The following FSIP2 variants were observed in gnomAD, a reference collection of about 807,000 sequenced individuals.
FSIP2 encodes the protein fibrous sheath-interacting protein 2.
A neutral mutation model predicts 510.5 loss-of-function variants in FSIP2; 367 were observed. The ratio of observed to expected loss-of-function variants is 0.72; its 90% CI spans 0.66 to 0.78. The LOEUF is 0.78. Among genes scored for constraint, FSIP2 ranks in the 30% least tolerant of loss-of-function variants. FSIP2 has a pLI of 0.00. For missense variants in FSIP2, 7,594 were observed against 7,901.7 expected (o/e 0.96, Z 1.48); for synonymous variants, 2,601 against 2,732.2 (o/e 0.95, Z 1.50).
rs536390412 is a variant in FSIP2 at position 185,763,974 on chromosome 2, T to C, written c.1348-528T>C. 5.9e-5 allele frequency among the ~76,000 whole-genome samples: 9 copies of C among 151,772 alleles called. No homozygotes were observed. The East Asian group carries it at 1.2e-3, about 20-fold the overall frequency. On this transcript the variant is annotated intron_variant, in intron 12 of 22. Coordinates refer to ENST00000424728, the MANE Select transcript of FSIP2 (RefSeq NM_173651.4). ...CAAATGTACATCAGGTTTAGTTCAC[T>C]GTTCTACCATATCAATAGCCACATT...
chr2:185,829,945 G>A (rs1694077972), intron 21 of FSIP2, among the ~76,000 whole-genome samples: 1 of 151,800 alleles, frequency 6.6e-6, no homozygotes, highest in Non-Finnish European at 1.5e-5. Context: ...TACATATTTG[G>A]AACTGACCTG....
rs13003744 is a variant in FSIP2 at position 185,804,208 on chromosome 2, A to G, written c.14902A>G (p.Met4968Val). Residue 4968 changes from methionine to valine, a missense_variant, in exon 17 of 23, where the codon ATG (methionine) becomes GTG (valine). By Grantham distance (21) the Met-to-Val change is conservative. Transcript: ENST00000424728. ...CKILYAFSHNMLVTENPDRVK... is the reference protein window; with the variant it reads ...CKILYAFSHNVLVTENPDRVK... ...AATTCTTTATGCATTTTCACATAAC[A>G]TGTTGGTTACTGAAAATCCAGATAG... 0.33 allele frequency: 505,784 copies of G among 1,517,904 alleles called. 85,737 individuals are homozygous for G. The highest frequency in any genetic ancestry group is 0.37 in the Admixed American group (17,851 of 47,706). The allele number at this position is 1,517,904 out of a possible 1,614,324, so 94.0% of individuals were successfully genotyped here. A position where few individuals can be genotyped will look rare whatever the true frequency, so the allele number is the denominator to read the frequency against.
In FSIP2 at chr2:185,808,965, A is replaced by G. The variant is rs757605874; in HGVS notation, c.19659A>G (p.Lys6553=). The change falls in exon 17 of 23, where the codon AAA becomes AAG. Residue 6553 remains lysine, a synonymous_variant. Coordinates refer to ENST00000424728, the MANE Select transcript of FSIP2 (RefSeq NM_173651.4). ...VISIKTQPLE[K]LKQECLKRTG... is the part of the protein sequence containing the mutation. Reference sequence around the variant, plus strand: ...CTATAAAAACTCAACCTCTTGAGAAACTTAAGCAGGAGTGTTTGAAAAGAA... The same window carrying G: ...CTATAAAAACTCAACCTCTTGAGAAGCTTAAGCAGGAGTGTTTGAAAAGAA... 1.4e-5 allele frequency: 22 copies of G among 1,610,516 alleles called. No homozygotes were observed. The highest frequency in any genetic ancestry group is 1.9e-5 in the Non-Finnish European group (22 of 1,178,960).
In FSIP2 at chr2:185,833,240, G is replaced by T; in HGVS notation, c.*14G>T. 1.3e-6 allele frequency: 2 copies of T among 1,589,744 alleles called. No individual in the cohort carries two copies. The highest frequency in any genetic ancestry group is 3.6e-5 in the Admixed American group (2 of 55,212). ...GATGAACACTGAAGCTTTTGTACCT[G>T]ATATAAGTATGCTTACTTCTTTTAG... On this transcript the variant is annotated 3_prime_UTR_variant, in exon 23 of 23. Coordinates refer to ENST00000424728, the MANE Select transcript of FSIP2 (RefSeq NM_173651.4).
chr2:185,807,626 C>T lies in FSIP2; in HGVS notation c.18320C>T (p.Thr6107Ile), dbSNP rs371646011. ...CAAGAGATTATACAAAATTGTGTAA[C>T]CAGTGGATGCAAAATCCTTTCAGAA... ...GSQEIIQNCV[T>I]SGCKILSENI... Residue 6107 changes from threonine to isoleucine, a missense_variant, in exon 17 of 23, where the codon ACC (threonine) becomes ATC (isoleucine). Coordinates refer to ENST00000424728, the MANE Select transcript of FSIP2 (RefSeq NM_173651.4). 4.0e-5 allele frequency: 65 copies of T among 1,612,792 alleles called. 1 individual carries two copies. In the Middle Eastern group the frequency reaches 6.6e-4, roughly 16 times the overall value.
intron 13 of FSIP2, chr2:185,766,225 C>T (rs1692474697): frequency 6.6e-6 from 1 of 151,746 alleles, no homozygotes; most frequent in Non-Finnish European, 1.5e-5. Flanking sequence ...TAGAAGAAAA[C>T]CTAGGCATTA....
chr2:185,756,330 G>C, intron 9 of FSIP2, 52 bp downstream of exon 9: 5 of 640,784 alleles, frequency 7.8e-6, no homozygotes, highest in Non-Finnish European at 1.2e-5. Context: ...TAATTTGGGG[G>C]AAAGACAGTT....
At chr2:185,752,317 T>C (rs183242555) in intron 7 of FSIP2, among the ~76,000 whole-genome samples, 2 of 151,260 alleles carry the variant, frequency 1.3e-5, no homozygotes, top group East Asian at 3.9e-4. Flanking sequence ...TTTATTTTTC[T>C]CTATGTAACA....
chr2:185,813,369 T>C (rs553935196), intron 17 of FSIP2, among the ~76,000 whole-genome samples, 176 bp from the exon 18 acceptor site: 6 of 152,152 alleles, frequency 3.9e-5, no homozygotes, highest in Non-Finnish European at 7.4e-5. Flanking sequence ...AACAAATTTT[T>C]TTTGTTATTT....
Position 185,800,361 on chromosome 2 carries a change from T to C in FSIP2, c.11055T>C (p.Gly3685=). Residue 3685 remains glycine, a synonymous_variant, in exon 17 of 23, where the codon GGT becomes GGC. Coordinates refer to ENST00000424728, the MANE Select transcript of FSIP2 (RefSeq NM_173651.4). ...CATGTAAGTTAAACAGCCTGGTTGGTAACCTAAAAACAAGTGAATCCAAAG... is the reference window on the plus strand; with the variant it reads ...CATGTAAGTTAAACAGCCTGGTTGGCAACCTAAAAACAAGTGAATCCAAAG... ...YLACKLNSLV[G]NLKTSESKEV... 3 of 1,529,194 alleles carry C rather than the reference T, an allele frequency of 2.0e-6. No homozygotes were observed. Among genetic ancestry groups the C allele is most frequent in the Non-Finnish European group, 2.6e-6 (3 of 1,144,308 alleles). 94.7% of individuals were successfully genotyped at this position (1,529,194 alleles called of 1,614,324 possible).
rs539739705 is a variant in FSIP2 at position 185,797,267 on chromosome 2, C to T, written c.10131C>T (p.Asn3377=). ...AAGTATCTGGAGGGCAAAAGGATAA[C>T]GAAAAAAGTTTGCTTAGAATGCAGG... ...LSEVSGGQKD[N]EKSLLRMQDK... Residue 3377 remains asparagine, a synonymous_variant, in exon 16 of 23, where the codon AAC becomes AAT. Transcript: ENST00000424728. The T allele has an allele frequency of 5.2e-5, 79 of 1,532,398 alleles. No homozygotes were observed. The highest frequency in any genetic ancestry group is 6.0e-5 in the Admixed American group (3 of 50,344). The allele number at this position is 1,532,398 out of a possible 1,614,324, so 94.9% of individuals were successfully genotyped here.
chr2:185,792,640 C>A lies in FSIP2; in HGVS notation c.5504C>A (p.Ser1835Ter). The change falls in exon 16 of 23, where the codon TCG becomes TAG. Residue 1835 changes from serine to a stop codon, truncating the protein, a stop_gained. Transcript: ENST00000424728. LOFTEE classifies it high-confidence loss of function. ...FMDKMMDPLLSEADITIVTDN... is the reference protein window; with the variant it reads ...FMDKMMDPLL ...GATAAAATGATGGATCCTTTACTTT[C>A]GGAAGCAGATATAACCATAGTAACA... 3 of 1,533,982 alleles carry A rather than the reference C, an allele frequency of 2.0e-6. No homozygotes were observed. Among genetic ancestry groups the A allele is most frequent in the Non-Finnish European group, 2.6e-6 (3 of 1,145,456 alleles).
chr2:185,811,982 C>T (rs1693741171), intron 17 of FSIP2, among the ~76,000 whole-genome samples: 2 of 152,094 alleles, frequency 1.3e-5, no homozygotes, highest in South Asian at 2.1e-4. Flanking sequence ...TTACAGAGAA[C>T]TTCTACCGGT....
In FSIP2 at chr2:185,796,939, G is replaced by C. The variant is rs939142780; in HGVS notation, c.9803G>C (p.Ser3268Thr). ...MKGNSYLPEG[S>T]FLQKLLRKAS... is the part of the protein sequence containing the mutation. ...GGAAATAGCTACCTCCCTGAAGGCA[G>C]TTTCTTACAAAAGCTGCTTAGGAAA... The change falls in exon 16 of 23, where the codon AGT becomes ACT. Residue 3268 changes from serine (S) to threonine (T), a missense_variant. By Grantham distance (58) the Ser-to-Thr change is moderately conservative. Coordinates refer to ENST00000424728, the MANE Select transcript of FSIP2 (RefSeq NM_173651.4). The C allele has an allele frequency of 4.0e-5, 62 of 1,534,818 alleles. No individual in the cohort carries two copies. Among genetic ancestry groups the C allele is most frequent in the Non-Finnish European group, 5.4e-5 (62 of 1,146,238 alleles).
chr2:185,793,726 A>G lies in FSIP2; in HGVS notation c.6590A>G (p.Asp2197Gly), dbSNP rs932165533. The change falls in exon 16 of 23, where the codon GAC becomes GGC. Residue 2197 changes from aspartate (D) to glycine (G), a missense_variant. Physicochemically the swap from Asp to Gly is moderately conservative, Grantham distance 94. Coordinates refer to ENST00000424728, the MANE Select transcript of FSIP2 (RefSeq NM_173651.4). ...LTFCDTFPKI[D>G]CQQPLKGSKT... ...TTTTGTGATACGTTTCCAAAAATAG[A>G]CTGTCAACAGCCTCTTAAGGGGTCA... 6.5e-7 allele frequency: 1 copy of G among 1,534,528 alleles called. No homozygotes were observed. Among genetic ancestry groups the G allele is most frequent in the South Asian group, 1.2e-5 (1 of 84,034 alleles).
At chr2:185,759,621 G>C (rs1307911780) in intron 9 of FSIP2, among the ~76,000 whole-genome samples, 3 of 144,892 alleles carry the variant, frequency 2.1e-5, no homozygotes, top group Non-Finnish European at 3.0e-5. Flanking sequence ...ATAATGGTCA[G>C]TATAATATTA....
In FSIP2 at chr2:185,795,549, A is replaced by G. The variant is rs1312391907; in HGVS notation, c.8413A>G (p.Asn2805Asp). 1.3e-6 allele frequency: 2 copies of G among 1,534,874 alleles called. No individual in the cohort carries two copies. The highest frequency in any genetic ancestry group is 1.7e-6 in the Non-Finnish European group (2 of 1,146,094). ...KSSHLRLSQGNIGTGSLPKQQ... is the reference protein window; with the variant it reads ...KSSHLRLSQGDIGTGSLPKQQ... ...CTCACATCTCAGACTTTCACAGGGGAATATAGGCACAGGATCCCTTCCTAA... is the reference window on the plus strand; with the variant it reads ...CTCACATCTCAGACTTTCACAGGGGGATATAGGCACAGGATCCCTTCCTAA... The change falls in exon 16 of 23, where the codon AAT (asparagine) becomes GAT (aspartate). Residue 2805 changes from asparagine (N) to aspartate (D), a missense_variant. Physicochemically the swap from Asn to Asp is conservative, Grantham distance 23 (BLOSUM62 1). Transcript: ENST00000424728.
chr2:185,763,260 C>T lies in FSIP2; in HGVS notation c.1318C>T (p.Gln440Ter). 6.6e-7 allele frequency: 1 copy of T among 1,509,402 alleles called. No individual in the cohort carries two copies. Among genetic ancestry groups the T allele is most frequent in the Non-Finnish European group, 8.9e-7 (1 of 1,123,162 alleles). 93.5% of individuals were successfully genotyped at this position (1,509,402 alleles called of 1,614,324 possible). The change falls in exon 12 of 23, where the codon CAG becomes TAG. Residue 440 changes from glutamine to a stop codon, truncating the protein, a stop_gained. Transcript: ENST00000424728. LOFTEE classifies it high-confidence loss of function. ...CACGAGAAATTTTTCCAGAGTTTCA[C>T]AGGCATTTTTGGATCCTTCAAAAGA... ...SPTRNFSRVS[Q>*]AFLDPSKEEK...
rs2105622194 is a variant in FSIP2 at position 185,794,417 on chromosome 2, A to G, written c.7281A>G (p.Glu2427=). ...TTTCACAATTAGCTTTATCAAATGA[A>G]ATATTGCTGGGTCACAAAGAGAAGG... The part of the protein sequence containing the change: ...SNFSQLALSN[E]ILLGHKEKER... Residue 2427 remains glutamate (E), a synonymous_variant, in exon 16 of 23, where the codon GAA becomes GAG. Coordinates refer to ENST00000424728, the MANE Select transcript of FSIP2 (RefSeq NM_173651.4). 6.6e-7 allele frequency: 1 copy of G among 1,517,294 alleles called. No homozygotes were observed. The highest frequency in any genetic ancestry group is 2.5e-5 in the East Asian group (1 of 40,660). 94.0% of individuals were successfully genotyped at this position (1,517,294 alleles called of 1,614,324 possible). A position where few individuals can be genotyped will look rare whatever the true frequency, so the allele number is the denominator to read the frequency against.
Sources: allele counts gnomAD v4.1 joint callset (sites outside exome capture counted in the v4.1 genomes callset), GRCh38; gene constraint gnomAD v4.1.1; transcripts MANE v1.5; gene names NCBI Gene and HGNC (gene_info 2026-07-23, HGNC 2026-07-21).